Variants in PDE4D observed in about 807,000 individuals in gnomAD.
PDE4D encodes the protein phosphodiesterase 4D, also known as 3',5'-cyclic-AMP phosphodiesterase 4D.
In PDE4D, 24 loss-of-function variants were observed where a neutral mutation model predicts 87.4. The ratio of observed to expected loss-of-function variants is 0.27; its 90% CI spans 0.20 to 0.39. PDE4D has a LOEUF of 0.39. Among genes scored for constraint, PDE4D ranks in the 10% least tolerant of loss-of-function variants. The pLI is 1.00. For synonymous variants in PDE4D, 384 were observed against 383.2 expected, an observed-to-expected ratio of 1.00 and a Z score of -0.02; for missense variants, 714 against 1,041.0, an observed-to-expected ratio of 0.69 and a Z score of 4.32.
At chr5:60,277,286 G>A (rs1751470335) in intron 1 of PDE4D, among the ~76,000 whole-genome samples, 1 of 146,836 alleles carries the variant, frequency 6.8e-6, no homozygotes, top group Non-Finnish European at 1.5e-5. Context: ...ATCTAGAGAG[G>A]AAACAGATTT....
intron 1 of PDE4D, among the ~76,000 whole-genome samples, chr5:59,235,113 T>G (rs928520349): frequency 1.2e-4 from 18 of 152,204 alleles, no homozygotes; most frequent in Non-Finnish European, 2.4e-4. Context: ...TCCTTTAAAT[T>G]TGCAATGTAA....
intron 2 of PDE4D, among the ~76,000 whole-genome samples, chr5:60,120,702 G>A (rs542287389): frequency 5.3e-5 from 8 of 152,202 alleles, no homozygotes; most frequent in African/African-American, 1.7e-4. Context: ...ACTGCCTGGC[G>A]AAGTTTATAC....
At chr5:59,969,476 G>A (rs899514518) in intron 3 of PDE4D, among the ~76,000 whole-genome samples, 3 of 152,170 alleles carry the variant, frequency 2.0e-5, no homozygotes, top group African/African-American at 7.2e-5. Flanking sequence ...TTCTGAGAAT[G>A]TTGTGTTCAC....
chr5:60,004,993 G>A (rs1261309497), intron 2 of PDE4D, among the ~76,000 whole-genome samples: 1 of 152,156 alleles, frequency 6.6e-6, no homozygotes, highest in East Asian at 1.9e-4. Context: ...CTGAAGAGAT[G>A]TCTGCACTGT....
At chr5:59,867,159 G>A (rs1747155982) in intron 1 of PDE4D, among the ~76,000 whole-genome samples, 2 of 152,100 alleles carry the variant, frequency 1.3e-5, no homozygotes. Context: ...GAGATGTGTA[G>A]AGAGAGAAGG....
At chr5:59,307,013 T>A (rs1341041343) in intron 1 of PDE4D, among the ~76,000 whole-genome samples, 1 of 88,806 alleles carries the variant, frequency 1.1e-5, no homozygotes, top group Non-Finnish European at 2.0e-5. Flanking sequence ...AAAACAGAGA[T>A]ATAGATCAAT....
intron 1 of PDE4D, among the ~76,000 whole-genome samples, chr5:60,502,315 A>G (rs1750120180): frequency 6.6e-6 from 1 of 152,108 alleles, no homozygotes; most frequent in Non-Finnish European, 1.5e-5. Context: ...ATAGTTGTAG[A>G]TATGTGGCAT....
chr5:59,055,703 C>T (rs1190070455), intron 5 of PDE4D, among the ~76,000 whole-genome samples: 1 of 152,138 alleles, frequency 6.6e-6, no homozygotes, highest in Non-Finnish European at 1.5e-5. Context: ...GGTGATGAGT[C>T]CCAAAGTTGA....
At chr5:60,436,682 T>C (rs1744782181) in intron 1 of PDE4D, among the ~76,000 whole-genome samples, 1 of 152,082 alleles carries the variant, frequency 6.6e-6, no homozygotes, top group Admixed American at 6.6e-5. Flanking sequence ...TATTCATACA[T>C]GTTTAGAAGC....
chr5:59,889,100 T>C (rs1450954322), intron 1 of PDE4D, among the ~76,000 whole-genome samples: 1 of 151,594 alleles, frequency 6.6e-6, no homozygotes, highest in Non-Finnish European at 1.5e-5. Context: ...TGGCGGCTCG[T>C]GCCCGTAGTC....
chr5:59,691,888 G>A (rs1751013372), intron 1 of PDE4D, among the ~76,000 whole-genome samples: 2 of 151,978 alleles, frequency 1.3e-5, no homozygotes, highest in African/African-American at 4.8e-5. Flanking sequence ...TACATGTCAA[G>A]TCATAGGGGT....
rs182390239 is a variant in PDE4D at position 59,047,749 on chromosome 5, G to A, written c.809-8778C>T. The stretch of plus-strand genomic sequence containing the variant: ...ATTCATATGCTGAAATCTAATCCCC[G>A]GTGTCACGGTATTTGGAGGGAAAGC... On this transcript the variant is annotated intron_variant, in intron 5 of 14. Transcript: ENST00000340635. 5.3e-5 allele frequency among the ~76,000 whole-genome samples: 8 copies of A among 152,310 alleles called. 1 individual carries two copies. The highest frequency in any genetic ancestry group is 4.1e-4 in the South Asian group (2 of 4,822).
chr5:59,575,313 C>T (rs1011857576), intron 1 of PDE4D, among the ~76,000 whole-genome samples: 1 of 152,090 alleles, frequency 6.6e-6, no homozygotes, highest in Non-Finnish European at 1.5e-5. Context: ...GTTATAGATG[C>T]AGAAAGGGGC....
intron 1 of PDE4D, among the ~76,000 whole-genome samples, chr5:60,389,984 A>G (rs1470441972): frequency 1.3e-5 from 2 of 152,134 alleles, no homozygotes; most frequent in East Asian, 3.9e-4. Context: ...CTCCATTACT[A>G]TTCTCTCTCG....
intron 1 of PDE4D, among the ~76,000 whole-genome samples, chr5:59,693,714 T>C (rs1339390167): frequency 3.3e-5 from 5 of 152,194 alleles, no homozygotes; most frequent in African/African-American, 7.2e-5. Flanking sequence ...TGATGGAGTG[T>C]ACTTGTTGAA....
intron 1 of PDE4D, among the ~76,000 whole-genome samples, chr5:59,804,098 T>A (rs894515613): frequency 6.6e-6 from 1 of 152,194 alleles, no homozygotes; most frequent in Non-Finnish European, 1.5e-5. Flanking sequence ...TCATTAGTGG[T>A]GATTTCTGAT....
intron 2 of PDE4D, among the ~76,000 whole-genome samples, chr5:60,122,420 T>C (rs1335823701): frequency 2.0e-5 from 3 of 152,240 alleles, no homozygotes; most frequent in Non-Finnish European, 2.9e-5. Flanking sequence ...TCTTCTGAAA[T>C]ATAGGCGGAG....
At chr5:59,134,056 T>C (rs1323279214) in intron 5 of PDE4D, among the ~76,000 whole-genome samples, 1 of 150,936 alleles carries the variant, frequency 6.6e-6, no homozygotes, top group African/African-American at 2.4e-5. Context: ...TTGTACATGG[T>C]TTCTCTTCTT....
intron 1 of PDE4D, among the ~76,000 whole-genome samples, chr5:59,645,130 A>T (rs1471308878): frequency 6.6e-6 from 1 of 152,230 alleles, no homozygotes; most frequent in Non-Finnish European, 1.5e-5. Context: ...CTAGGAAAAA[A>T]ATAGAACTAT....
Sources: gnomAD v4.1 joint callset for allele counts (sites outside exome capture counted in the v4.1 genomes callset) on GRCh38, gnomAD v4.1.1 for gene constraint, MANE v1.5 for transcripts, NCBI Gene and HGNC (gene_info 2026-07-23, HGNC 2026-07-21) for gene names.